Variants in PIP5KL1 observed in about 807,000 individuals in gnomAD.
PIP5KL1 encodes phosphatidylinositol-4-phosphate 5-kinase like 1.
A neutral mutation model predicts 47.6 loss-of-function variants in PIP5KL1; 45 were observed. The ratio of observed to expected loss-of-function variants is 0.94; its 90% CI spans 0.74 to 1.21. PIP5KL1 has a LOEUF of 1.21. PIP5KL1 is among the 50% of genes most tolerant of loss of function. PIP5KL1 has a pLI of 0.00. For missense variants in PIP5KL1, 577 were observed against 547.6 expected (o/e 1.05, Z -0.54); for synonymous variants, 256 against 234.6 (o/e 1.09, Z -0.84).
In PIP5KL1 at chr9:127,924,958, G is replaced by A. The variant is rs560590958; in HGVS notation, c.917+149C>T. 1.6e-4 allele frequency: 167 copies of A among 1,046,236 alleles called. 2 individuals are homozygous for A. The highest frequency in any genetic ancestry group is 1.5e-3 in the South Asian group (100 of 64,736). 64.8% of individuals were successfully genotyped at this position (1,046,236 alleles called of 1,614,324 possible). A position where few individuals can be genotyped will look rare whatever the true frequency, so the allele number is the denominator to read the frequency against. Reference sequence around the variant, plus strand: ...TGCACTCACACATATGCACACACGCGCGCACACGCACACACACACACAAAC... The same window carrying A: ...TGCACTCACACATATGCACACACGCACGCACACGCACACACACACACAAAC... On this transcript the variant is annotated intron_variant, in intron 9 of 9. Transcript: ENST00000388747.
Position 127,927,394 on chromosome 9 carries a change from G to A in PIP5KL1, c.560-63C>T. The A allele has an allele frequency of 6.5e-7, 1 of 1,543,092 alleles. No individual in the cohort carries two copies. The highest frequency in any genetic ancestry group is 1.2e-5 in the South Asian group (1 of 85,014). On this transcript the variant is annotated intron_variant, in intron 5 of 9. Coordinates refer to ENST00000388747, the MANE Select transcript of PIP5KL1 (RefSeq NM_001135219.2). The surrounding 1 kb of genome is among the most constrained non-coding windows in gnomAD (Gnocchi z 5.5). ...CTCCACAACCCGGGGTGCATCCGGCGCCAATCCCAGCGCCAGGCCACGCCT... is the reference window on the plus strand; with the variant it reads ...CTCCACAACCCGGGGTGCATCCGGCACCAATCCCAGCGCCAGGCCACGCCT...
Position 127,930,718 on chromosome 9 carries a change from C to T in PIP5KL1, c.30+5G>A. On this transcript the variant is annotated splice_donor_5th_base_variant and intron_variant, in intron 1 of 9. Coordinates refer to ENST00000388747, the MANE Select transcript of PIP5KL1 (RefSeq NM_001135219.2). Reference sequence around the variant, plus strand: ...TCTCCTGTCCTCTCTCGGGTCCGCACCTACCTCGCGGGGCCCCGGGCTCGG... The same window carrying T: ...TCTCCTGTCCTCTCTCGGGTCCGCATCTACCTCGCGGGGCCCCGGGCTCGG... 6.4e-7 allele frequency: 1 copy of T among 1,572,344 alleles called. No individual in the cohort carries two copies. Among genetic ancestry groups the T allele is most frequent in the Non-Finnish European group, 8.6e-7 (1 of 1,162,704 alleles).
chr9:127,928,812 G>C (rs1831399155), intron 2 of PIP5KL1: 1 of 375,952 alleles, frequency 2.7e-6, no homozygotes, highest in Admixed American at 4.4e-5. Flanking sequence ...CAGTACAAGG[G>C]GGTGGCCCTG....
At position 127,929,680 on chromosome 9, in the gene PIP5KL1, C is replaced by T; in HGVS notation, c.228+8G>A. ...TGTGGAGATTCGTGGGACAGATGGG[C>T]CACTCACCGTGGGTGGGTGGTCCAT... On this transcript the variant is annotated splice_region_variant and intron_variant, in intron 2 of 9. Transcript: ENST00000388747. The surrounding 1 kb of genome is among the most constrained non-coding windows in gnomAD (Gnocchi z 4.0). 1 of 1,546,976 alleles carries T rather than the reference C, an allele frequency of 6.5e-7. No individual in the cohort carries two copies. Among genetic ancestry groups the T allele is most frequent in the Non-Finnish European group, 8.8e-7 (1 of 1,139,494 alleles).
intron 7 of PIP5KL1, 21 bp from the exon 8 acceptor site, chr9:127,926,000 C>T: frequency 6.4e-7 from 1 of 1,561,630 alleles, no homozygotes; most frequent in Non-Finnish European, 8.8e-7. Flanking sequence ...GGACAGAATT[C>T]AGCTTTACAT....
rs1394951353 is a variant in PIP5KL1, at chr9:127,929,131, G to C, written c.228+557C>G. On this transcript the variant is annotated intron_variant, in intron 2 of 9. Transcript: ENST00000388747. The surrounding 1 kb of genome is among the most constrained non-coding windows in gnomAD (Gnocchi z 4.0). ...AGTTTGTGATTTAGAGAACTCCCTC[G>C]AGTCTCTACACTTTCCCTGGATCTC... Among the ~76,000 whole-genome samples, 5 of 151,722 alleles carry C rather than the reference G, an allele frequency of 3.3e-5. No homozygotes were observed. The East Asian group carries it at 9.7e-4, about 29-fold the overall frequency.
At chr9:127,924,770 C>A (rs1338021640) in intron 9 of PIP5KL1, among the ~76,000 whole-genome samples, 1 of 152,022 alleles carries the variant, frequency 6.6e-6, no homozygotes. Context: ...TTCAAATAGT[C>A]ACCAAAGCTC....
intron 9 of PIP5KL1, 116 bp from the exon 10 acceptor site, chr9:127,922,230 T>A (rs1831293419): frequency 3.1e-6 from 4 of 1,292,148 alleles, no homozygotes; most frequent in Admixed American, 5.8e-5. Flanking sequence ...ACACCTCCTG[T>A]GTGCCCAGGT....
Position 127,927,856 on chromosome 9 carries a change from G to A in PIP5KL1, c.435-84C>T. On this transcript the variant is annotated intron_variant, in intron 4 of 9. Coordinates refer to ENST00000388747, the MANE Select transcript of PIP5KL1 (RefSeq NM_001135219.2). The surrounding 1 kb of genome is among the most constrained non-coding windows in gnomAD (Gnocchi z 5.5). ...CCCCCTTCCCCGACCTGTGCACGTG[G>A]ATCTCGCTCCCAGGTCTCGGCACCG... 1.3e-6 allele frequency: 2 copies of A among 1,506,252 alleles called. No individual in the cohort carries two copies. Among genetic ancestry groups the A allele is most frequent in the Non-Finnish European group, 1.8e-6 (2 of 1,134,076 alleles). 93.3% of individuals were successfully genotyped at this position (1,506,252 alleles called of 1,614,324 possible).
At chr9:127,925,732 G>A in intron 8 of PIP5KL1, 135 bp downstream of exon 8, 2 of 743,514 alleles carry the variant, frequency 2.7e-6, no homozygotes, top group South Asian at 1.5e-5. Context: ...CCAAAGTGCT[G>A]GAATTACAGG....
Position 127,927,063 on chromosome 9 carries a change from C to G in PIP5KL1, c.650+90G>C. The stretch of plus-strand genomic sequence containing the variant: ...GGAACGCCCCTTCTCCTTCCTGGGC[C>G]TCGGTTTCACCGTCTGGCTAGTGAG... On this transcript the variant is annotated intron_variant, in intron 7 of 9. Transcript: ENST00000388747. The surrounding 1 kb of genome is among the most constrained non-coding windows in gnomAD (Gnocchi z 5.5). 1 of 1,402,584 alleles carries G rather than the reference C, an allele frequency of 7.1e-7. No individual in the cohort carries two copies. The highest frequency in any genetic ancestry group is 9.6e-7 in the Non-Finnish European group (1 of 1,037,914). The allele number at this position is 1,402,584 out of a possible 1,614,324, so 86.9% of individuals were successfully genotyped here. A position where few individuals can be genotyped will look rare whatever the true frequency, so the allele number is the denominator to read the frequency against.
intron 9 of PIP5KL1, among the ~76,000 whole-genome samples, chr9:127,922,962 A>G (rs1831310193): frequency 6.6e-6 from 1 of 152,216 alleles, no homozygotes; most frequent in Non-Finnish European, 1.5e-5. Context: ...AGACCCTGGA[A>G]TCTGCACCTT....
chr9:127,925,253 C>T lies in PIP5KL1; in HGVS notation c.771G>A (p.Gln257=). ...CCATCTGGCGGAGGAACCAGCTCCG[C>T]TGGGGCCCTGCCGGAGCATCAGTGC... ...FQGKTINLGP[Q]RSWFLRQMEL... is the part of the protein sequence containing the mutation. Residue 257 remains glutamine (Q), a synonymous_variant, in exon 9 of 10, where the codon CAG becomes CAA. Transcript: ENST00000388747. 1 of 1,612,530 alleles carries T rather than the reference C, an allele frequency of 6.2e-7. No homozygotes were observed. The highest frequency in any genetic ancestry group is 2.2e-5 in the East Asian group (1 of 44,888).
intron 7 of PIP5KL1, among the ~76,000 whole-genome samples, chr9:127,926,260 G>A (rs1022518076): frequency 2.1e-5 from 2 of 95,802 alleles, no homozygotes; most frequent in East Asian, 2.9e-4. Flanking sequence ...AGTCTCACCT[G>A]TTTCTTTCTT....
At position 127,929,847 on chromosome 9, in the gene PIP5KL1, G is replaced by C. The variant is rs748645332; in HGVS notation, c.69C>G (p.Val23=). Residue 23 remains valine, a synonymous_variant, in exon 2 of 10, where the codon GTC becomes GTG. Transcript: ENST00000388747. This position sits in a 1 kb window ranked among gnomAD's most constrained non-coding sequence, Gnocchi z 4.0. ...AGAGAAGCCCCCGCCGGCTGGAGGT[G>C]ACTGCTCTGCATCCAGCCTCAGGGG... The part of the protein sequence containing the change: ...APSPEAGCRA[V]TSSRRGLLWR... 1 of 1,545,516 alleles carries C rather than the reference G, an allele frequency of 6.5e-7. No homozygotes were observed. Among genetic ancestry groups the C allele is most frequent in the South Asian group, 1.2e-5 (1 of 83,976 alleles).
Position 127,927,226 on chromosome 9 carries a change from G to A in PIP5KL1, c.595-18C>T, listed in dbSNP as rs756618850. 6.2e-7 allele frequency: 1 copy of A among 1,613,000 alleles called. No individual in the cohort carries two copies. Reference sequence around the variant, plus strand: ...AAGTACGTCTGGGGGCCGGGACAGGGAGTGAGGGAGGCCGGCTGTCGCCCT... The same window carrying A: ...AAGTACGTCTGGGGGCCGGGACAGGAAGTGAGGGAGGCCGGCTGTCGCCCT... On this transcript the variant is annotated intron_variant, in intron 6 of 9. Transcript: ENST00000388747. This position sits in a 1 kb window ranked among gnomAD's most constrained non-coding sequence, Gnocchi z 5.5.
intron 9 of PIP5KL1, 53 bp downstream of exon 9, chr9:127,925,054 T>C: frequency 6.3e-7 from 1 of 1,598,932 alleles, no homozygotes; most frequent in Non-Finnish European, 8.5e-7. Context: ...CATGTCTGTC[T>C]TTCCCTTACT....
At chr9:127,924,655 CAAAAA>C (rs151136722) in intron 9 of PIP5KL1, among the ~76,000 whole-genome samples, 2 of 63,622 alleles carry the variant, frequency 3.1e-5, no homozygotes, top group Non-Finnish European at 7.1e-5. Context: ...AACTCCATCT[CAAAAA>C]AAAAAAAAAA....
rs554358951 is a variant in PIP5KL1, at chr9:127,925,676, G to A, written c.763+191C>T. 4 of 587,616 alleles carry A rather than the reference G, an allele frequency of 6.8e-6. No individual in the cohort carries two copies. In the African/African-American group the frequency reaches 7.4e-5, roughly 11 times the overall value. 36.4% of individuals were successfully genotyped at this position (587,616 alleles called of 1,614,324 possible). On this transcript the variant is annotated intron_variant, in intron 8 of 9. Coordinates refer to ENST00000388747, the MANE Select transcript of PIP5KL1 (RefSeq NM_001135219.2). ...AGACAGAGTTTCAGCATCTTGGCCA[G>A]GCTGGTCTTGAACTCCTGACCTCGT...
Sources: gnomAD v4.1 joint callset for allele counts (sites outside exome capture counted in the v4.1 genomes callset) on GRCh38, gnomAD v4.1.1 for gene constraint, Gnocchi (gnomAD v3.1) non-coding constraint, MANE v1.5 for transcripts, NCBI Gene and HGNC (gene_info 2026-07-23, HGNC 2026-07-21) for gene names.